The following MME variants were observed in gnomAD, a reference collection of about 807,000 sequenced individuals.
The protein encoded by MME is membrane metalloendopeptidase.
In MME, 98 loss-of-function variants were observed where a neutral mutation model predicts 113.2. That is an observed-to-expected ratio of 0.87 (90% CI 0.74 to 1.02). The LOEUF (loss-of-function observed/expected upper bound fraction) is 1.02. MME is among the 50% of genes least tolerant of loss of function. The pLI is 0.00. For missense variants in MME, 836 were observed against 896.0 expected (o/e 0.93, Z 0.86); for synonymous variants, 292 against 300.6 (o/e 0.97, Z 0.30).
intron 3 of MME, among the ~76,000 whole-genome samples, chr3:155,108,276 C>T (rs1717864382): frequency 6.6e-6 from 1 of 152,110 alleles, no homozygotes; most frequent in Non-Finnish European, 1.5e-5. Flanking sequence ...CCATCAAAGA[C>T]CTGCTAAGTA....
rs200124414 is a variant in MME, at chr3:155,167,049, G to A, written c.1780+28G>A. The A allele has an allele frequency of 8.6e-5, 138 of 1,612,902 alleles. 2 individuals carry two copies. Among genetic ancestry groups the A allele is most frequent in the Middle Eastern group, 5.0e-4 (3 of 6,052 alleles). On this transcript the variant is annotated intron_variant, in intron 18 of 22. Transcript: ENST00000360490. ...AAAGTGCAGTTGACATTTTCCTTTG[G>A]CTGAGGTATATGCTCATAAATTTGA... is the stretch of plus-strand genomic sequence containing the variant.
chr3:155,172,041 G>C, intron 20 of MME, 76 bp from the exon 21 acceptor site: 1 of 841,344 alleles, frequency 1.2e-6, no homozygotes, highest in Non-Finnish European at 2.0e-6. Context: ...TTACTTGGTG[G>C]CATGATCTTT....
chr3:155,044,827 G>T (rs1310402144), intron 1 of MME, among the ~76,000 whole-genome samples: 2 of 152,112 alleles, frequency 1.3e-5, no homozygotes, highest in Non-Finnish European at 2.9e-5. Context: ...TTCTTAGGAT[G>T]AACTGCACTT....
intron 1 of MME, among the ~76,000 whole-genome samples, chr3:155,041,360 C>A (rs894438273): frequency 1.3e-5 from 2 of 152,182 alleles, no homozygotes; most frequent in African/African-American, 4.8e-5. Context: ...CACCTGTAGT[C>A]AACGATAATG....
chr3:155,148,426 A>T lies in MME; in HGVS notation c.1498-124A>T. ...ACTGGAACTACATCCTTTTTTGGTA[A>T]GTTTTTTAATGCTCTCTTTTAACTT... On this transcript the variant is annotated intron_variant, in intron 15 of 22. Transcript: ENST00000360490. 1.3e-5 allele frequency: 9 copies of T among 667,340 alleles called. No individual in the cohort carries two copies. In the Admixed American group the frequency reaches 1.4e-4, roughly 10 times the overall value. The allele number at this position is 667,340 out of a possible 1,614,324, so 41.3% of individuals were successfully genotyped here.
rs556539801 is a variant in MME, at chr3:155,091,841, G to A, written c.196+6747G>A. On this transcript the variant is annotated intron_variant, in intron 3 of 22. Transcript: ENST00000360490. ...CATTCAGAAAAGGAGATTTTGTCGG[G>A]GGCCAGTGGTGGCTTGTTTTGATCC... is the stretch of plus-strand genomic sequence containing the variant. Among the ~76,000 whole-genome samples the A allele has an allele frequency of 4.6e-5, 7 of 152,230 alleles. No homozygotes were observed. In the South Asian group the frequency reaches 1.5e-3, roughly 32 times the overall value.
chr3:155,056,765 A>T (rs1192043860), intron 1 of MME, among the ~76,000 whole-genome samples: 4 of 152,168 alleles, frequency 2.6e-5, no homozygotes, highest in African/African-American at 9.7e-5. Flanking sequence ...TGTCTTCCAC[A>T]ATGGTTGAAC....
At chr3:155,114,786 C>G (rs1718460780) in intron 3 of MME, among the ~76,000 whole-genome samples, 1 of 152,016 alleles carries the variant, frequency 6.6e-6, no homozygotes, top group African/African-American at 2.4e-5. Flanking sequence ...CCACACAGTT[C>G]AAAATAAAAC....
At chr3:155,055,766 C>T (rs1482742024) in intron 1 of MME, among the ~76,000 whole-genome samples, 9 of 152,252 alleles carry the variant, frequency 5.9e-5, no homozygotes, top group Admixed American at 1.3e-4. Flanking sequence ...GTTCTGTTAC[C>T]TGAAGTGATT....
intron 14 of MME, among the ~76,000 whole-genome samples, chr3:155,146,063 A>T (rs756990875): frequency 2.0e-5 from 3 of 152,162 alleles, no homozygotes; most frequent in Non-Finnish European, 4.4e-5. Context: ...AATTAATTAA[A>T]TTATTTAAGA....
intron 14 of MME, among the ~76,000 whole-genome samples, chr3:155,145,820 A>T (rs1576641830): frequency 6.6e-6 from 1 of 152,302 alleles, no homozygotes; most frequent in African/African-American, 2.4e-5. Flanking sequence ...CTCTTTAAGG[A>T]AATGTCTTAC....
At chr3:155,046,554 G>C (rs1050100112) in intron 1 of MME, among the ~76,000 whole-genome samples, 13 of 152,174 alleles carry the variant, frequency 8.5e-5, no homozygotes, top group African/African-American at 3.1e-4. Context: ...GGTGGGCGTG[G>C]TGGTGGGCAC....
chr3:155,127,017 A>C (rs1189951967), intron 8 of MME, among the ~76,000 whole-genome samples: 1 of 152,016 alleles, frequency 6.6e-6, no homozygotes, highest in South Asian at 2.1e-4. Flanking sequence ...CAAAAAAAAA[A>C]AAAAAAAAGA....
At chr3:155,064,386 A>C (rs1269389539) in intron 1 of MME, among the ~76,000 whole-genome samples, 2 of 152,194 alleles carry the variant, frequency 1.3e-5, no homozygotes, top group Non-Finnish European at 2.9e-5. Flanking sequence ...ATGAAGGCAC[A>C]AGAGAAGACG....
chr3:155,115,276 C>A, intron 4 of MME, 121 bp downstream of exon 4: 1 of 1,255,366 alleles, frequency 8.0e-7, no homozygotes. Context: ...ATAATCCTTC[C>A]AGGATTTGTG....
intron 1 of MME, among the ~76,000 whole-genome samples, chr3:155,037,823 A>G (rs1713175270): frequency 4.6e-5 from 7 of 152,176 alleles, no homozygotes; most frequent in Admixed American, 3.3e-4. Context: ...TGATAGGACC[A>G]GTTTTGGTAG....
At chr3:155,035,146 C>T (rs1028506219) in intron 1 of MME, among the ~76,000 whole-genome samples, 14 of 151,456 alleles carry the variant, frequency 9.2e-5, no homozygotes, top group African/African-American at 3.4e-4. Flanking sequence ...AGGAAAAATA[C>T]GTGTGTGTGT....
intron 8 of MME, among the ~76,000 whole-genome samples, chr3:155,125,175 G>T (rs1275692616): frequency 2.7e-5 from 4 of 148,384 alleles, no homozygotes; most frequent in Non-Finnish European, 4.5e-5. Context: ...GGAGTGACCC[G>T]ATTTTCCAGG....
intron 1 of MME, chr3:155,081,464 C>T (rs192613692): frequency 5.9e-5 from 9 of 152,266 alleles, no homozygotes; most frequent in Admixed American, 3.9e-4. Flanking sequence ...TTATCTTAGA[C>T]CTCCTAATTC....
Sources: gnomAD v4.1 joint callset for allele counts (sites outside exome capture counted in the v4.1 genomes callset) on GRCh38, gnomAD v4.1.1 for gene constraint, MANE v1.5 for transcripts, NCBI Gene and HGNC (gene_info 2026-07-23, HGNC 2026-07-21) for gene names.